RFX1: variants seen among roughly 807,000 people sequenced by gnomAD.
RFX1 encodes regulatory factor X1.
A neutral mutation model predicts 119.6 loss-of-function variants in RFX1; 42 were observed. The ratio of observed to expected loss-of-function variants is 0.35; its 90% CI spans 0.27 to 0.45. The LOEUF is 0.45. Among genes scored for constraint, RFX1 ranks in the 20% least tolerant of loss-of-function variants. The pLI is 1.00. For synonymous variants in RFX1, 628 were observed against 618.5 expected, an observed-to-expected ratio of 1.02 and a Z score of -0.23; for missense variants, 1,118 against 1,368.1, an observed-to-expected ratio of 0.82 and a Z score of 2.88.
chr19:13,989,229 A>G (rs945525989), intron 2 of RFX1, among the ~76,000 whole-genome samples: 1 of 151,910 alleles, frequency 6.6e-6, no homozygotes, highest in African/African-American at 2.4e-5. Context: ...GTGGAGCTGT[A>G]GGAAGGCAAG....
rs1266531548 is a variant in RFX1, at chr19:13,962,874, A to C, written c.2771-10T>G. The C allele has an allele frequency of 6.5e-7, 1 of 1,532,408 alleles. No homozygotes were observed. Among genetic ancestry groups the C allele is most frequent in the Admixed American group, 2.0e-5 (1 of 49,124 alleles). The allele number at this position is 1,532,408 out of a possible 1,614,324, so 94.9% of individuals were successfully genotyped here. A position where few individuals can be genotyped will look rare whatever the true frequency, so the allele number is the denominator to read the frequency against. On this transcript the variant is annotated splice_polypyrimidine_tract_variant and intron_variant, in intron 20 of 20. Transcript: ENST00000254325. The stretch of plus-strand genomic sequence containing the variant: ...TCTTCTTCCTCCTCGTCTGGAACAC[A>C]GGGACCAAGTCCGGCTCGGGGCGGG...
chr19:13,972,874 C>T lies in RFX1; in HGVS notation c.1183G>A (p.Gly395Ser), dbSNP rs776211108. ...GTGCTGCCACTGCCACCCCCGCCAC[C>T]GCCTCCCCCGCCGCCGCCGCCACCA... Reference protein sequence around the residue: ...SGGGGGGGGGGGGGGSGSTGG... With the variant: ...SGGGGGGGGGSGGGGSGSTGG... The change falls in exon 9 of 21, where the codon GGT becomes AGT. Residue 395 changes from glycine to serine, a missense_variant. By Grantham distance (56) the Gly-to-Ser change is moderately conservative (BLOSUM62 0). Transcript: ENST00000254325. 4.4e-5 allele frequency: 69 copies of T among 1,556,086 alleles called. No homozygotes were observed. The highest frequency in any genetic ancestry group is 2.6e-4 in the Admixed American group (14 of 53,484).
At chr19:13,983,386 C>G in intron 3 of RFX1, 100 bp downstream of exon 3, 1 of 1,252,744 alleles carries the variant, frequency 8.0e-7, no homozygotes, top group Non-Finnish European at 1.1e-6. Context: ...GCAGATGGCT[C>G]CAGCAGGAAG....
Position 13,970,100 on chromosome 19 carries a change from A to C in RFX1, c.1390T>G (p.Leu464Val). ...AGCTTCTGCTCCTGGCAGTGCAGTA[A>C]GTAGTGGCAGTAGAGGGTGCTCCGT... ...LPRSTLYCHYLLHCQEQKLEP... is the reference protein window; with the variant it reads ...LPRSTLYCHYVLHCQEQKLEP... Residue 464 changes from leucine (L) to valine (V), a missense_variant, in exon 10 of 21, where the codon TTA becomes GTA. Leu to Val is a conservative substitution (Grantham distance 32, BLOSUM62 1). Transcript: ENST00000254325. 1.2e-6 allele frequency: 2 copies of C among 1,614,074 alleles called. No individual in the cohort carries two copies.
At chr19:14,005,704 G>T (rs1975348369) in intron 1 of RFX1, among the ~76,000 whole-genome samples, 1 of 152,172 alleles carries the variant, frequency 6.6e-6, no homozygotes, top group South Asian at 2.1e-4. Flanking sequence ...CCGAGGTGGA[G>T]GTTGGGGAGA....
chr19:13,991,590 G>C (rs1241608397), intron 2 of RFX1, among the ~76,000 whole-genome samples: 1 of 152,212 alleles, frequency 6.6e-6, no homozygotes, highest in Non-Finnish European at 1.5e-5. Context: ...GACACTGCCA[G>C]AAGCCTCTGG....
intron 1 of RFX1, among the ~76,000 whole-genome samples, chr19:14,002,132 G>A (rs529168740): frequency 1.1e-4 from 17 of 150,776 alleles, no homozygotes; most frequent in African/African-American, 3.4e-4. Context: ...GAGACACTCC[G>A]TCTCAAATAA....
At position 13,969,821 on chromosome 19, in the gene RFX1, G is replaced by A. The variant is rs1974017240; in HGVS notation, c.1496+173C>T. 3.5e-6 allele frequency: 2 copies of A among 577,524 alleles called. No individual in the cohort carries two copies. The highest frequency in any genetic ancestry group is 4.7e-4 in the Middle Eastern group (1 of 2,114). 35.8% of individuals were successfully genotyped at this position (577,524 alleles called of 1,614,324 possible). A position where few individuals can be genotyped will look rare whatever the true frequency, so the allele number is the denominator to read the frequency against. ...GGGGTGAGAAGCACATGAGGTGGAAGGCACCGCCAGTGCAAAGGCCTAGAG... is the reference window on the plus strand; with the variant it reads ...GGGGTGAGAAGCACATGAGGTGGAAAGCACCGCCAGTGCAAAGGCCTAGAG... On this transcript the variant is annotated intron_variant, in intron 10 of 20. Coordinates refer to ENST00000254325, the MANE Select transcript of RFX1 (RefSeq NM_002918.5). The surrounding 1 kb of genome is among the most constrained non-coding windows in gnomAD (Gnocchi z 4.5).
Position 13,969,860 on chromosome 19 carries a change from G to T in RFX1, c.1496+134C>A. 1 of 810,342 alleles carries T rather than the reference G, an allele frequency of 1.2e-6. No individual in the cohort carries two copies. The highest frequency in any genetic ancestry group is 1.9e-6 in the Non-Finnish European group (1 of 522,378). The allele number at this position is 810,342 out of a possible 1,614,324, so 50.2% of individuals were successfully genotyped here. A position where few individuals can be genotyped will look rare whatever the true frequency, so the allele number is the denominator to read the frequency against. On this transcript the variant is annotated intron_variant, in intron 10 of 20. Coordinates refer to ENST00000254325, the MANE Select transcript of RFX1 (RefSeq NM_002918.5). This position sits in a 1 kb window ranked among gnomAD's most constrained non-coding sequence, Gnocchi z 4.5. Reference sequence around the variant, plus strand: ...AAAGGCCTAGAGTGGGAGTGAGCGGGGCTGTCGAGGAGCCTCGCAGAGGCC... The same window carrying T: ...AAAGGCCTAGAGTGGGAGTGAGCGGTGCTGTCGAGGAGCCTCGCAGAGGCC...
rs1739009853 is a variant in RFX1, at chr19:13,982,161, A to T, written c.581T>A (p.Leu194Gln). 7.6e-7 allele frequency: 1 copy of T among 1,311,366 alleles called. No individual in the cohort carries two copies. The highest frequency in any genetic ancestry group is 1.5e-5 in the African/African-American group (1 of 65,628). 81.2% of individuals were successfully genotyped at this position (1,311,366 alleles called of 1,614,324 possible). Residue 194 changes from leucine (L) to glutamine (Q), a missense_variant, in exon 5 of 21, where the codon CTG becomes CAG. By Grantham distance (113) the Leu-to-Gln change is moderately radical. Transcript: ENST00000254325. ...CACCTGCTGGGTACCATGGACCGTC[A>T]GGGAGACCTGGCCACCTTTGCTGCC... ...APGSKGGQVS[L>Q]TVHGTQQVHS...
chr19:13,968,391 A>G lies in RFX1; in HGVS notation c.1732+174T>C, dbSNP rs1973970174. 6.6e-6 allele frequency among the ~76,000 whole-genome samples: 1 copy of G among 152,062 alleles called. No homozygotes were observed. Among genetic ancestry groups the G allele is most frequent in the Admixed American group, 6.6e-5 (1 of 15,260 alleles). ...CCTTGAAGAAGGATTCTAGGGACAGAACTGTCACTGTGGACGGAGACTGTG... is the reference window on the plus strand; with the variant it reads ...CCTTGAAGAAGGATTCTAGGGACAGGACTGTCACTGTGGACGGAGACTGTG... On this transcript the variant is annotated intron_variant, in intron 12 of 20. Coordinates refer to ENST00000254325, the MANE Select transcript of RFX1 (RefSeq NM_002918.5). This position sits in a 1 kb window ranked among gnomAD's most constrained non-coding sequence, Gnocchi z 5.5.
At chr19:13,973,710 A>G (rs936426319) in intron 8 of RFX1, among the ~76,000 whole-genome samples, 1 of 152,112 alleles carries the variant, frequency 6.6e-6, no homozygotes, top group African/African-American at 2.4e-5. Flanking sequence ...GGCTCACTGC[A>G]ACCTCCGCCT....
At position 13,968,760 on chromosome 19, in the gene RFX1, G is replaced by C; in HGVS notation, c.1616+15C>G. On this transcript the variant is annotated intron_variant, in intron 11 of 20. Transcript: ENST00000254325. This position sits in a 1 kb window ranked among gnomAD's most constrained non-coding sequence, Gnocchi z 5.5. ...CCCCGCCTGCCCTGCCCTGGGTCCG[G>C]CCCTGCCTTCCTACCTCTGCTTCTG... 1 of 1,605,314 alleles carries C rather than the reference G, an allele frequency of 6.2e-7. No homozygotes were observed. Among genetic ancestry groups the C allele is most frequent in the East Asian group, 2.2e-5 (1 of 44,548 alleles).
chr19:14,001,541 T>A (rs1332043712), intron 1 of RFX1, among the ~76,000 whole-genome samples: 1 of 152,186 alleles, frequency 6.6e-6, no homozygotes, highest in Non-Finnish European at 1.5e-5. Flanking sequence ...GCTTAAGTGA[T>A]CCTCATGTCT....
intron 5 of RFX1, 27 bp downstream of exon 5, chr19:13,982,094 A>G: frequency 4.3e-6 from 5 of 1,165,916 alleles, no homozygotes; most frequent in Non-Finnish European, 5.6e-6. Flanking sequence ...AGCAGGGGGG[A>G]GGGCGGCCAA....
intron 18 of RFX1, 26 bp from the exon 19 acceptor site, chr19:13,963,301 C>T (rs749089174): frequency 6.9e-6 from 11 of 1,590,426 alleles, no homozygotes; most frequent in African/African-American, 4.0e-5. Flanking sequence ...GAGAGGAGAC[C>T]GTCAGGCCCC....
At chr19:13,974,582 T>C (rs1389857655) in intron 8 of RFX1, among the ~76,000 whole-genome samples, 2 of 152,138 alleles carry the variant, frequency 1.3e-5, no homozygotes, top group African/African-American at 4.8e-5. Flanking sequence ...GGGGACCGTG[T>C]GACCGAACAA....
rs755135346 is a variant in RFX1 at position 13,962,776 on chromosome 19, G to A, written c.2859C>T (p.Gly953=). 4.6e-6 allele frequency: 7 copies of A among 1,530,348 alleles called. No individual in the cohort carries two copies. The highest frequency in any genetic ancestry group is 6.1e-6 in the Non-Finnish European group (7 of 1,143,568). 94.8% of individuals were successfully genotyped at this position (1,530,348 alleles called of 1,614,324 possible). ...TGGCCGGCGGCTCCAGGGTCTCCGG[G>A]CCCAGCGCGGGTGACTCGCCGCCAG... ...LAAGGESPAL[G]PETLEPPAKL... is the part of the protein sequence containing the mutation. The change falls in exon 21 of 21, where the codon GGC becomes GGT. Residue 953 remains glycine, a synonymous_variant. Transcript: ENST00000254325.
intron 8 of RFX1, 121 bp downstream of exon 8, chr19:13,977,871 C>G: frequency 1.4e-6 from 1 of 733,728 alleles, no homozygotes; most frequent in Non-Finnish European, 2.3e-6. Flanking sequence ...GTGTCTGTCA[C>G]CTGAGGCCTT....
Sources: gnomAD v4.1 joint callset for allele counts (sites outside exome capture counted in the v4.1 genomes callset) on GRCh38, gnomAD v4.1.1 for gene constraint, Gnocchi (gnomAD v3.1) non-coding constraint, MANE v1.5 for transcripts, NCBI Gene and HGNC (gene_info 2026-07-23, HGNC 2026-07-21) for gene names.